The following MCMDC2 variants were observed in gnomAD, a reference collection of about 807,000 sequenced individuals.
The protein encoded by MCMDC2 is minichromosome maintenance domain-containing protein 2.
In MCMDC2, 54 loss-of-function variants were observed where a neutral mutation model predicts 75.8. The ratio of observed to expected loss-of-function variants is 0.71; its 90% CI spans 0.57 to 0.89. The LOEUF (loss-of-function observed/expected upper bound fraction) is 0.89. Among genes scored for constraint, MCMDC2 ranks in the 40% least tolerant of loss-of-function variants. MCMDC2 has a pLI of 0.00. For missense variants in MCMDC2, 656 were observed against 780.4 expected (o/e 0.84, Z 1.90); for synonymous variants, 249 against 274.6 (o/e 0.91, Z 0.92).
At chr8:66,876,015 T>C (rs1356793162) in intron 4 of MCMDC2, among the ~76,000 whole-genome samples, 1 of 152,222 alleles carries the variant, frequency 6.6e-6, no homozygotes, top group East Asian at 1.9e-4. Flanking sequence ...TTGTGCTATA[T>C]CAGGAGGATA....
rs1236928346 is a variant in MCMDC2 at position 66,921,489 on chromosome 8, G to T, written c.*2320G>T. On this transcript the variant is annotated 3_prime_UTR_variant, in exon 15 of 15. Transcript: ENST00000422365. ...ATTTATAAGCTAGTACTCAACAGGA[G>T]AAAAGATTTAGCTCTAAACCTTCAC... is the stretch of plus-strand genomic sequence containing the variant. The T allele has an allele frequency of 6.6e-6, 1 of 152,170 alleles. No individual in the cohort carries two copies. Among genetic ancestry groups the T allele is most frequent in the East Asian group, 1.9e-4 (1 of 5,198 alleles). The allele number at this position is 152,170 out of a possible 1,614,324, so 9.4% of individuals were successfully genotyped here.
chr8:66,877,433 T>G lies in MCMDC2; in HGVS notation c.370T>G (p.Ser124Ala). The G allele has an allele frequency of 1.2e-6, 2 of 1,613,120 alleles. No homozygotes were observed. The highest frequency in any genetic ancestry group is 1.7e-6 in the Non-Finnish European group (2 of 1,179,488). ...TTGTGAGTTTCCACTTGATTATACA[T>G]CTCAGAGATTTTATATGATGCAAGG... is the stretch of plus-strand genomic sequence containing the variant. ...DLCEFPLDYT[S>A]QRFYMMQGIV... Residue 124 changes from serine (S) to alanine (A), a missense_variant, in exon 5 of 15, where the codon TCT becomes GCT. Coordinates refer to ENST00000422365, the MANE Select transcript of MCMDC2 (RefSeq NM_173518.5).
At chr8:66,884,636 A>G (rs549025186) in intron 9 of MCMDC2, 9 of 152,228 alleles carry the variant, frequency 5.9e-5, no homozygotes, top group Admixed American at 3.9e-4. Context: ...AATTGAACAG[A>G]TTATGTTTTG....
rs748901066 is a variant in MCMDC2, at chr8:66,877,366, A to G, written c.303A>G (p.Lys101=). Residue 101 remains lysine, a synonymous_variant, in exon 5 of 15, where the codon AAA becomes AAG. Transcript: ENST00000422365. ...QTETQINIVL[K]LTHLPPLPSY... ...CTTATTAGATTAATATAGTGCTGAA[A>G]TTAACACATTTACCTCCCCTGCCAA... 6.2e-7 allele frequency: 1 copy of G among 1,609,260 alleles called. No homozygotes were observed. The highest frequency in any genetic ancestry group is 1.7e-5 in the Admixed American group (1 of 59,260).
chr8:66,886,780 A>AT (rs1279834789), intron 9 of MCMDC2, among the ~76,000 whole-genome samples: 1 of 151,974 alleles, frequency 6.6e-6, no homozygotes. Flanking sequence ...GTCTCAAAAA[A>AT]AAAAAAAAAG....
intron 12 of MCMDC2, among the ~76,000 whole-genome samples, chr8:66,898,580 C>T (rs1206331147): frequency 6.7e-6 from 1 of 148,850 alleles, no homozygotes; most frequent in South Asian, 2.1e-4. Context: ...GCCGAGATTG[C>T]GCCACTGCAC....
rs574570280 is a variant in MCMDC2, at chr8:66,873,266, T to C, written c.-88-787T>C. Among the ~76,000 whole-genome samples, 38 of 152,338 alleles carry C rather than the reference T, an allele frequency of 2.5e-4. No homozygotes were observed. The South Asian group carries it at 7.7e-3, about 31-fold the overall frequency. On this transcript the variant is annotated intron_variant, in intron 1 of 14. Transcript: ENST00000422365. ...AAAATTGGAAGGGGCTTTAATCATC[T>C]GATACAACACTTTCCTTTCCTACAG...
intron 7 of MCMDC2, among the ~76,000 whole-genome samples, chr8:66,879,340 C>T (rs1018435843): frequency 6.6e-6 from 1 of 152,096 alleles, no homozygotes; most frequent in African/African-American, 2.4e-5. Context: ...CACCTGTAAT[C>T]CCAACATTTT....
intron 12 of MCMDC2, among the ~76,000 whole-genome samples, chr8:66,898,245 C>A (rs1052896201): frequency 6.6e-6 from 1 of 152,060 alleles, no homozygotes; most frequent in Admixed American, 6.5e-5. Flanking sequence ...TTACTGAATA[C>A]TTCACAAATA....
chr8:66,909,317 G>C (rs989339984), intron 14 of MCMDC2, among the ~76,000 whole-genome samples: 11 of 152,216 alleles, frequency 7.2e-5, no homozygotes, highest in Admixed American at 2.6e-4. Flanking sequence ...GATTAATACA[G>C]TAAATTGGTA....
At position 66,874,569 on chromosome 8, in the gene MCMDC2, TTGCAGACTGAAACGCAA is replaced by T. The variant is rs748703802; in HGVS notation, c.269_285del (p.Leu90TyrfsTer2). 6.2e-7 allele frequency: 1 copy of T among 1,612,870 alleles called. No homozygotes were observed. Among genetic ancestry groups the T allele is most frequent in the Non-Finnish European group, 8.5e-7 (1 of 1,179,608 alleles). ...TAAGACTCTCTCATTAATTGGACAATTGCAGACTGAAACGCAAGTAAGTTTTAGTTACATTTAAGCAA... is the reference window on the plus strand; with the variant it reads ...TAAGACTCTCTCATTAATTGGACAATGTAAGTTTTAGTTACATTTAAGCAA... On this transcript the variant is annotated frameshift_variant and splice_region_variant, in exon 4 of 15. Coordinates refer to ENST00000422365, the MANE Select transcript of MCMDC2 (RefSeq NM_173518.5). LOFTEE classifies it high-confidence loss of function.
Position 66,919,689 on chromosome 8 carries a change from C to G in MCMDC2, c.*520C>G, listed in dbSNP as rs1813445333. 1 of 152,202 alleles carries G rather than the reference C, an allele frequency of 6.6e-6. No individual in the cohort carries two copies. Among genetic ancestry groups the G allele is most frequent in the African/African-American group, 2.4e-5 (1 of 41,422 alleles). 9.4% of individuals were successfully genotyped at this position (152,202 alleles called of 1,614,324 possible). A position where few individuals can be genotyped will look rare whatever the true frequency, so the allele number is the denominator to read the frequency against. On this transcript the variant is annotated 3_prime_UTR_variant, in exon 15 of 15. Transcript: ENST00000422365. ...TTTTCATACTTTATTACTGGCCTGT[C>G]CATTACATACTACTGTTTTAGAAGC...
At chr8:66,897,333 G>A (rs574380075) in intron 12 of MCMDC2, among the ~76,000 whole-genome samples, 37 of 151,796 alleles carry the variant, frequency 2.4e-4, no homozygotes, top group African/African-American at 8.9e-4. Context: ...GTTGAACCCA[G>A]GAGTTGGAGG....
chr8:66,889,015 G>C (rs529691224), intron 9 of MCMDC2, among the ~76,000 whole-genome samples: 1 of 151,600 alleles, frequency 6.6e-6, no homozygotes, highest in East Asian at 1.9e-4. Flanking sequence ...TCTAAATATC[G>C]CTCTCTCTCT....
At chr8:66,899,165 T>C (rs1398372237) in intron 12 of MCMDC2, among the ~76,000 whole-genome samples, 1 of 152,232 alleles carries the variant, frequency 6.6e-6, no homozygotes, top group Non-Finnish European at 1.5e-5. Context: ...AGTGTGCCAA[T>C]GTGTATTTGA....
intron 8 of MCMDC2, among the ~76,000 whole-genome samples, chr8:66,882,229 C>G (rs1811612558): frequency 6.6e-6 from 1 of 152,106 alleles, no homozygotes. Flanking sequence ...GTTGATTGAT[C>G]TAAGGGCAGG....
intron 4 of MCMDC2, among the ~76,000 whole-genome samples, chr8:66,876,877 T>C (rs112915016): frequency 0.13 from 19,632 of 151,842 alleles, 2,418 homozygotes; most frequent in African/African-American, 0.32. Context: ...TCTCCTGCCT[T>C]AGCCTCCCGA....
At chr8:66,897,035 C>A in intron 12 of MCMDC2, 76 bp downstream of exon 12, 1 of 1,304,850 alleles carries the variant, frequency 7.7e-7, no homozygotes, top group Non-Finnish European at 1.1e-6. Flanking sequence ...CTTTTGAGTG[C>A]TGGATTTTCT....
At chr8:66,877,846 CAA>C (rs1811367030) in intron 5 of MCMDC2, among the ~76,000 whole-genome samples, 1 of 106,322 alleles carries the variant, frequency 9.4e-6, no homozygotes, top group Non-Finnish European at 1.8e-5. Context: ...GCCTGGATGA[CAA>C]AGAGTGACCC....
Sources: allele counts gnomAD v4.1 joint callset (sites outside exome capture counted in the v4.1 genomes callset), GRCh38; gene constraint gnomAD v4.1.1; transcripts MANE v1.5; gene names NCBI Gene and HGNC (gene_info 2026-07-23, HGNC 2026-07-21).